DYM: variants seen among roughly 807,000 people sequenced by gnomAD.
DYM encodes the protein dyggve-Melchior-Clausen syndrome protein.
In DYM, 78 loss-of-function variants were observed where a neutral mutation model predicts 93.1. The observed-to-expected ratio is 0.84, with a 90% CI of 0.70 to 1.01. The LOEUF (loss-of-function observed/expected upper bound fraction) is 1.01. DYM is among the 50% of genes least tolerant of loss of function. The probability of loss-of-function intolerance (pLI) is 0.00; values close to 1 mark genes in which losing one functional copy is unlikely to be tolerated. For synonymous variants in DYM, 321 were observed against 319.7 expected (o/e 1.00, Z -0.04); for missense variants, 789 against 845.0 (o/e 0.93, Z 0.82).
chr18:49,324,592 C>T (rs1303821263), intron 8 of DYM, among the ~76,000 whole-genome samples: 1 of 152,184 alleles, frequency 6.6e-6, no homozygotes, highest in Non-Finnish European at 1.5e-5. Flanking sequence ...GGCATATTCA[C>T]TTTTGTCAGT....
At chr18:49,196,779 G>A (rs1482814820) in intron 14 of DYM, among the ~76,000 whole-genome samples, 1 of 152,300 alleles carries the variant, frequency 6.6e-6, no homozygotes, top group South Asian at 2.1e-4. Flanking sequence ...GAGCAAGGAA[G>A]ATACATGTAA....
At chr18:49,387,288 G>C (rs778649907) in intron 3 of DYM, among the ~76,000 whole-genome samples, 10 of 151,474 alleles carry the variant, frequency 6.6e-5, no homozygotes, top group Non-Finnish European at 1.5e-4. Context: ...TCGTTTGTTT[G>C]TTTTTTGTGA....
At chr18:49,272,073 C>A in intron 11 of DYM, 105 bp downstream of exon 11, 3 of 936,630 alleles carry the variant, frequency 3.2e-6, no homozygotes, top group Non-Finnish European at 3.3e-6. Flanking sequence ...AATACAGGTT[C>A]TCACAGGAAC....
chr18:49,257,824 G>A (rs764830500), intron 12 of DYM, among the ~76,000 whole-genome samples: 6 of 151,516 alleles, frequency 4.0e-5, no homozygotes, highest in Non-Finnish European at 8.8e-5. Context: ...CTCCTGTGCA[G>A]CCTAGGCTGA....
chr18:49,311,657 C>T (rs951379205), intron 8 of DYM, among the ~76,000 whole-genome samples: 16 of 143,334 alleles, frequency 1.1e-4, no homozygotes, highest in Non-Finnish European at 1.6e-4. Flanking sequence ...TGTTCTCACT[C>T]ATAGGTGGGA....
At chr18:49,055,513 G>A (rs2075398546) in intron 17 of DYM, among the ~76,000 whole-genome samples, 1 of 152,166 alleles carries the variant, frequency 6.6e-6, no homozygotes, top group Non-Finnish European at 1.5e-5. Flanking sequence ...AGGAGATGGG[G>A]GCAAAAGTGG....
chr18:49,366,309 A>C (rs2066512626), intron 5 of DYM, among the ~76,000 whole-genome samples: 1 of 152,232 alleles, frequency 6.6e-6, no homozygotes, highest in South Asian at 2.1e-4. Context: ...TCACCTACAA[A>C]AAGTATAGTA....
chr18:49,304,541 GT>G lies in DYM; in HGVS notation c.764-17926del, dbSNP rs146287278. ...CCCTTGATCTAACAGAAACCTGGGTGTCCCCTGAGGACAGCTCTTTCTCAGA... is the reference window on the plus strand; with the variant it reads ...CCCTTGATCTAACAGAAACCTGGGTGCCCCTGAGGACAGCTCTTTCTCAGA... On this transcript the variant is annotated intron_variant, in intron 8 of 17. Transcript: ENST00000675505. Among the ~76,000 whole-genome samples, 523 of 152,296 alleles carry G rather than the reference GT, an allele frequency of 3.4e-3. 3 individuals carry two copies. Among genetic ancestry groups the G allele is most frequent in the African/African-American group, 0.012 (485 of 41,566 alleles).
intron 15 of DYM, among the ~76,000 whole-genome samples, chr18:49,124,012 T>C (rs2082604785): frequency 1.3e-5 from 2 of 152,226 alleles, no homozygotes; most frequent in Admixed American, 1.3e-4. Flanking sequence ...TATATGAAAC[T>C]TATACTTCAA....
chr18:49,098,676 T>G (rs548229983), intron 16 of DYM, among the ~76,000 whole-genome samples: 52 of 152,344 alleles, frequency 3.4e-4, no homozygotes, highest in African/African-American at 1.2e-3. Flanking sequence ...GCTGCTTATT[T>G]TGTCCACAAG....
chr18:49,237,167 G>A (rs1045836193), intron 13 of DYM, among the ~76,000 whole-genome samples: 4 of 152,030 alleles, frequency 2.6e-5, no homozygotes, highest in African/African-American at 4.8e-5. Flanking sequence ...AAGATCACAC[G>A]GCTGGCAAGA....
intron 2 of DYM, among the ~76,000 whole-genome samples, chr18:49,393,465 T>C (rs902509628): frequency 2.6e-5 from 4 of 152,090 alleles, no homozygotes; most frequent in African/African-American, 9.7e-5. Context: ...GGAATATTAT[T>C]TAGTCTTAAG....
chr18:49,192,286 T>C (rs2145709621), intron 14 of DYM, among the ~76,000 whole-genome samples: 1 of 152,170 alleles, frequency 6.6e-6, no homozygotes, highest in South Asian at 2.1e-4. Flanking sequence ...AATAATAATA[T>C]CTCATAGAGT....
chr18:49,338,908 A>C (rs2063867772), intron 6 of DYM, among the ~76,000 whole-genome samples: 2 of 152,268 alleles, frequency 1.3e-5, no homozygotes, highest in African/African-American at 2.4e-5. Flanking sequence ...AAATTACATC[A>C]GAATTAAAGA....
intron 14 of DYM, among the ~76,000 whole-genome samples, chr18:49,184,262 A>G (rs1047317850): frequency 3.3e-5 from 5 of 151,362 alleles, no homozygotes; most frequent in African/African-American, 1.2e-4. Context: ...TGGCGGGGGA[A>G]GGGAAGTGGC....
chr18:49,317,647 T>C (rs2062090521), intron 8 of DYM, among the ~76,000 whole-genome samples: 1 of 17,010 alleles, frequency 5.9e-5, no homozygotes, highest in Admixed American at 7.8e-4. Context: ...TCCTCTCCTC[T>C]CCTTCCTTCC....
intron 1 of DYM, among the ~76,000 whole-genome samples, chr18:49,444,865 G>A (rs2081969234): frequency 6.6e-6 from 1 of 152,142 alleles, no homozygotes; most frequent in South Asian, 2.1e-4. Flanking sequence ...GTATTTGGCA[G>A]TATCTAAGAA....
At chr18:49,407,294 G>A (rs1342481209) in intron 2 of DYM, among the ~76,000 whole-genome samples, 1 of 152,128 alleles carries the variant, frequency 6.6e-6, no homozygotes, top group African/African-American at 2.4e-5. Flanking sequence ...ACGGTATAGA[G>A]CTATACATAA....
chr18:49,240,907 G>A (rs1051444840), intron 13 of DYM, among the ~76,000 whole-genome samples: 6 of 152,118 alleles, frequency 3.9e-5, no homozygotes, highest in African/African-American at 9.7e-5. Flanking sequence ...TTACTATTTC[G>A]CCAAGGACAT....
Sources: gnomAD v4.1 joint callset for allele counts (sites outside exome capture counted in the v4.1 genomes callset) on GRCh38, gnomAD v4.1.1 for gene constraint, MANE v1.5 for transcripts, NCBI Gene and HGNC (gene_info 2026-07-23, HGNC 2026-07-21) for gene names.